The following PSMD12 variants were observed in gnomAD, a reference collection of about 807,000 sequenced individuals.
The protein encoded by PSMD12 is proteasome 26S subunit, non-ATPase 12.
A neutral mutation model predicts 62.9 loss-of-function variants in PSMD12; 8 were observed. The observed-to-expected ratio is 0.13, with a 90% CI of 0.07 to 0.23. The LOEUF (loss-of-function observed/expected upper bound fraction) is 0.23, where lower values mean the gene tolerates loss of function less well. Ranked by LOEUF, PSMD12 falls within the 10% of genes least tolerant of loss-of-function variation. The probability of loss-of-function intolerance (pLI) is 1.00; values close to 1 mark genes in which losing one functional copy is unlikely to be tolerated. For synonymous variants in PSMD12, 173 were observed against 187.4 expected (o/e 0.92, Z 0.63); for missense variants, 424 against 550.2 (o/e 0.77, Z 2.29).
At chr17:67,353,829 T>C (rs1262160038) in intron 3 of PSMD12, among the ~76,000 whole-genome samples, 8 of 152,170 alleles carry the variant, frequency 5.3e-5, no homozygotes, top group Non-Finnish European at 1.2e-4. Flanking sequence ...GAGACTCAAA[T>C]TCCTCTCTCT....
At position 67,338,008 on chromosome 17, in the gene PSMD12, A is replaced by G. The variant is rs1310124643; in HGVS notation, c.*2835T>C. ...CTGCTATATCCAAGAGCTGAAAACA[A>G]TTTAAAATATGTACTTTTATCACAT... On this transcript the variant is annotated 3_prime_UTR_variant, in exon 11 of 11. Transcript: ENST00000356126. 1 of 152,206 alleles carries G rather than the reference A, an allele frequency of 6.6e-6. No individual in the cohort carries two copies. Among genetic ancestry groups the G allele is most frequent in the African/African-American group, 2.4e-5 (1 of 41,460 alleles). 9.4% of individuals were successfully genotyped at this position (152,206 alleles called of 1,614,324 possible). A position where few individuals can be genotyped will look rare whatever the true frequency, so the allele number is the denominator to read the frequency against.
At chr17:67,342,892 T>C (rs533539177) in intron 9 of PSMD12, among the ~76,000 whole-genome samples, 1 of 150,438 alleles carries the variant, frequency 6.6e-6, no homozygotes, top group South Asian at 2.1e-4. Flanking sequence ...GCTATGACTG[T>C]GCCACTGTAC....
In PSMD12 at chr17:67,340,609, GAC is replaced by G. The variant is rs1567950593; in HGVS notation, c.*232_*233del. ...AGAAAAACATATCTGGGTAAGTTAT[GAC>G]ACAACTTTTTGTGTATTCAGACGAC... On this transcript the variant is annotated 3_prime_UTR_variant, in exon 11 of 11. Coordinates refer to ENST00000356126, the MANE Select transcript of PSMD12 (RefSeq NM_002816.5). 2.5e-6 allele frequency: 1 copy of G among 395,614 alleles called. No individual in the cohort carries two copies. Among genetic ancestry groups the G allele is most frequent in the Non-Finnish European group, 4.4e-6 (1 of 226,050 alleles). 24.5% of individuals were successfully genotyped at this position (395,614 alleles called of 1,614,324 possible). A position where few individuals can be genotyped will look rare whatever the true frequency, so the allele number is the denominator to read the frequency against.
At position 67,344,649 on chromosome 17, in the gene PSMD12, C is replaced by A; in HGVS notation, c.1040G>T (p.Gly347Val). 6.2e-7 allele frequency: 1 copy of A among 1,612,240 alleles called. No homozygotes were observed. The highest frequency in any genetic ancestry group is 2.2e-5 in the East Asian group (1 of 44,824). The change falls in exon 9 of 11, where the codon GGT becomes GTT. Residue 347 changes from glycine to valine, a missense_variant. Physicochemically the swap from Gly to Val is moderately radical, Grantham distance 109. Transcript: ENST00000356126. ...ATDVFGSTEE[G>V]EKRWKDLKNR... is the part of the protein sequence containing the mutation. Reference sequence around the variant, plus strand: ...CTTCAAGTCTTTCCACCTTTTTTCACCTTCCTCTGTAGAACCAAAAACATC... The same window carrying A: ...CTTCAAGTCTTTCCACCTTTTTTCAACTTCCTCTGTAGAACCAAAAACATC...
chr17:67,340,908 T>C lies in PSMD12; in HGVS notation c.1306A>G (p.Met436Val). The C allele has an allele frequency of 6.3e-7, 1 of 1,595,910 alleles. No individual in the cohort carries two copies. Among genetic ancestry groups the C allele is most frequent in the Non-Finnish European group, 8.5e-7 (1 of 1,174,774 alleles). Reference sequence around the variant, plus strand: ...TGCGTAGTTTTGTTAACCAGAGACATTAATGAGTTCAGTTTCTGAGACCAG... The same window carrying C: ...TGCGTAGTTTTGTTAACCAGAGACACTAATGAGTTCAGTTTCTGAGACCAG... ...NDWSQKLNSL[M>V]SLVNKTTHLI... Residue 436 changes from methionine (M) to valine (V), a missense_variant, in exon 11 of 11, where the codon ATG becomes GTG. Transcript: ENST00000356126.
At chr17:67,356,689 T>C (rs1473009966) in intron 3 of PSMD12, among the ~76,000 whole-genome samples, 1 of 151,472 alleles carries the variant, frequency 6.6e-6, no homozygotes, top group East Asian at 1.9e-4. Context: ...AATATCAGCT[T>C]GATAAATTAA....
chr17:67,352,198 T>C (rs543801627), intron 3 of PSMD12, among the ~76,000 whole-genome samples: 1 of 152,236 alleles, frequency 6.6e-6, no homozygotes, highest in South Asian at 2.1e-4. Flanking sequence ...GCTCATGTGA[T>C]CTTCCCACCT....
At chr17:67,355,236 C>G (rs547289467) in intron 3 of PSMD12, 1 of 151,898 alleles carries the variant, frequency 6.6e-6, no homozygotes, top group Non-Finnish European at 1.5e-5. Flanking sequence ...GGATTACAGG[C>G]GCCTGCCACT....
At chr17:67,344,907 CA>C in intron 8 of PSMD12, 127 bp from the exon 9 acceptor site, 4 of 757,184 alleles carry the variant, frequency 5.3e-6, no homozygotes. Flanking sequence ...AATGAGACAC[CA>C]TATGATTATT....
chr17:67,344,929 C>A, intron 8 of PSMD12, 149 bp from the exon 9 acceptor site: 1 of 676,348 alleles, frequency 1.5e-6, no homozygotes, highest in East Asian at 2.8e-5. Context: ...GTGTATTTTA[C>A]CAACTTTATT....
At chr17:67,361,837 G>A (rs926829310) in intron 1 of PSMD12, among the ~76,000 whole-genome samples, 1 of 120,204 alleles carries the variant, frequency 8.3e-6, no homozygotes, top group Non-Finnish European at 1.6e-5. Context: ...GAAGCAGGAA[G>A]ATCTCTTAAG....
At chr17:67,360,424 G>A (rs1160248675) in intron 1 of PSMD12, among the ~76,000 whole-genome samples, 3 of 152,184 alleles carry the variant, frequency 2.0e-5, no homozygotes, top group Non-Finnish European at 4.4e-5. Flanking sequence ...AAAATCAGTA[G>A]TCACTTAGTA....
At chr17:67,352,844 G>A (rs978719592) in intron 3 of PSMD12, among the ~76,000 whole-genome samples, 1 of 152,190 alleles carries the variant, frequency 6.6e-6, no homozygotes. Flanking sequence ...GTGATCCACT[G>A]TATCCAGGGC....
At position 67,340,707 on chromosome 17, in the gene PSMD12, G is replaced by A. The variant is rs547168789; in HGVS notation, c.*136C>T. 2.0e-5 allele frequency: 12 copies of A among 615,078 alleles called. No individual in the cohort carries two copies. The highest frequency in any genetic ancestry group is 3.1e-5 in the Non-Finnish European group (12 of 390,426). The allele number at this position is 615,078 out of a possible 1,614,324, so 38.1% of individuals were successfully genotyped here. A position where few individuals can be genotyped will look rare whatever the true frequency, so the allele number is the denominator to read the frequency against. On this transcript the variant is annotated 3_prime_UTR_variant, in exon 11 of 11. Coordinates refer to ENST00000356126, the MANE Select transcript of PSMD12 (RefSeq NM_002816.5). ...GAACTTGGGGAACTGAAAGGTCAAAGGGAGTCTCAAACATATTCACTATTT... is the reference window on the plus strand; with the variant it reads ...GAACTTGGGGAACTGAAAGGTCAAAAGGAGTCTCAAACATATTCACTATTT...
chr17:67,363,014 CTG>C (rs1414240101), intron 1 of PSMD12: 1 of 152,208 alleles, frequency 6.6e-6, no homozygotes, highest in Non-Finnish European at 1.5e-5. Flanking sequence ...AGACATAAAA[CTG>C]TACTAGGTGA....
In PSMD12 at chr17:67,340,627, T is replaced by C; in HGVS notation, c.*216A>G. Reference sequence around the variant, plus strand: ...AAGTTATGACACAACTTTTTGTGTATTCAGACGACAGAAATCTGTATTTTT... The same window carrying C: ...AAGTTATGACACAACTTTTTGTGTACTCAGACGACAGAAATCTGTATTTTT... On this transcript the variant is annotated 3_prime_UTR_variant, in exon 11 of 11. Transcript: ENST00000356126. 1 of 436,332 alleles carries C rather than the reference T, an allele frequency of 2.3e-6. No individual in the cohort carries two copies. Among genetic ancestry groups the C allele is most frequent in the Non-Finnish European group, 4.0e-6 (1 of 252,228 alleles). 27.0% of individuals were successfully genotyped at this position (436,332 alleles called of 1,614,324 possible).
At chr17:67,348,760 G>A in intron 4 of PSMD12, 106 bp from the exon 5 acceptor site, 1 of 894,394 alleles carries the variant, frequency 1.1e-6, no homozygotes, top group Non-Finnish European at 1.7e-6. Context: ...CATTTTGGAA[G>A]GCTGAGGCAG....
rs773195102 is a variant in PSMD12, at chr17:67,366,534, C to T, written c.-15G>A. On this transcript the variant is annotated 5_prime_UTR_variant, in exon 1 of 11. Coordinates refer to ENST00000356126, the MANE Select transcript of PSMD12 (RefSeq NM_002816.5). ...CCGTCCGCCATGGTCCCCGCCTGAG[C>T]GTCCCTTGCTGTCCCCCTGCTTCGG... The T allele has an allele frequency of 1.3e-6, 2 of 1,593,316 alleles. No individual in the cohort carries two copies. The highest frequency in any genetic ancestry group is 2.2e-5 in the South Asian group (2 of 90,300).
rs1225311181 is a variant in PSMD12, at chr17:67,340,124, C to G, written c.*719G>C. The G allele has an allele frequency of 6.7e-6, 1 of 149,188 alleles. No homozygotes were observed. The highest frequency in any genetic ancestry group is 2.5e-5 in the African/African-American group (1 of 40,632). The allele number at this position is 149,188 out of a possible 1,614,324, so 9.2% of individuals were successfully genotyped here. Reference sequence around the variant, plus strand: ...AAAAAAAAAAAAAGTAGTCACTATCCCTATAGAGCGGACTTAACACCCAAT... The same window carrying G: ...AAAAAAAAAAAAAGTAGTCACTATCGCTATAGAGCGGACTTAACACCCAAT... On this transcript the variant is annotated 3_prime_UTR_variant, in exon 11 of 11. Transcript: ENST00000356126.
Sources: allele counts gnomAD v4.1 joint callset (sites outside exome capture counted in the v4.1 genomes callset), GRCh38; gene constraint gnomAD v4.1.1; transcripts MANE v1.5; gene names NCBI Gene and HGNC (gene_info 2026-07-23, HGNC 2026-07-21).